The following HECW2 variants were observed in gnomAD, a reference collection of about 807,000 sequenced individuals.
HECW2 encodes the protein E3 ubiquitin-protein ligase HECW2.
In HECW2, 61 loss-of-function variants were observed where a neutral mutation model predicts 175.2. The observed-to-expected ratio is 0.35, with a 90% CI of 0.28 to 0.43. The LOEUF (loss-of-function observed/expected upper bound fraction) is 0.43, where lower values mean the gene tolerates loss of function less well. Ranked by LOEUF, HECW2 falls within the 20% of genes least tolerant of loss-of-function variation. The pLI is 1.00. For synonymous variants in HECW2, 671 were observed against 731.0 expected (o/e 0.92, Z 1.32); for missense variants, 1,524 against 2,000.5 (o/e 0.76, Z 4.54).
intron 21 of HECW2, among the ~76,000 whole-genome samples, chr2:196,233,360 C>T (rs1454185445): frequency 6.6e-6 from 1 of 152,090 alleles, no homozygotes; most frequent in African/African-American, 2.4e-5. Context: ...GGTTGGCACT[C>T]CACCCAAGTT....
intron 1 of HECW2, among the ~76,000 whole-genome samples, chr2:196,480,567 C>G (rs569058859): frequency 6.6e-6 from 1 of 152,148 alleles, no homozygotes; most frequent in Non-Finnish European, 1.5e-5. Flanking sequence ...AGTGCTGGGA[C>G]AGAACTCAGT....
intron 2 of HECW2, among the ~76,000 whole-genome samples, chr2:196,393,929 T>C (rs1206405815): frequency 6.6e-6 from 1 of 152,116 alleles, no homozygotes; most frequent in East Asian, 1.9e-4. Flanking sequence ...ATAGACTGGA[T>C]TAAGAAAATG....
intron 1 of HECW2, among the ~76,000 whole-genome samples, chr2:196,580,645 C>T (rs1393874384): frequency 6.8e-6 from 1 of 147,532 alleles, no homozygotes; most frequent in Non-Finnish European, 1.5e-5. Context: ...TTCACACCCG[C>T]TACAATGGCA....
At chr2:196,389,686 A>C (rs1694450921) in intron 2 of HECW2, among the ~76,000 whole-genome samples, 1 of 152,234 alleles carries the variant, frequency 6.6e-6, no homozygotes, top group African/African-American at 2.4e-5. Context: ...AAGAAAGGTA[A>C]CTTTGAAAGG....
intron 1 of HECW2, among the ~76,000 whole-genome samples, chr2:196,591,496 C>G (rs537311354): frequency 6.6e-6 from 1 of 152,216 alleles, no homozygotes; most frequent in South Asian, 2.1e-4. Context: ...CCAAAATGTG[C>G]CAATGAAATA....
chr2:196,425,670 A>G (rs1046654724), intron 2 of HECW2, among the ~76,000 whole-genome samples: 1 of 152,170 alleles, frequency 6.6e-6, no homozygotes, highest in Admixed American at 6.5e-5. Context: ...AGTTGCTCCA[A>G]TCTTATGATA....
At chr2:196,328,495 A>G (rs765259971) in intron 5 of HECW2, among the ~76,000 whole-genome samples, 6 of 152,242 alleles carry the variant, frequency 3.9e-5, no homozygotes, top group African/African-American at 7.2e-5. Flanking sequence ...TCAGAAGGCC[A>G]TGGGCCAGCA....
rs1003973843 is a variant in HECW2 at position 196,409,981 on chromosome 2, G to T, written c.292+23151C>A. ...ATTCCCTGGTTTGGTAGAGTTTGGG[G>T]GTTCATTGACCTGAGATTGGTATAT... On this transcript the variant is annotated intron_variant, in intron 2 of 28. Transcript: ENST00000644978. Among the ~76,000 whole-genome samples the T allele has an allele frequency of 2.6e-5, 4 of 152,104 alleles. No individual in the cohort carries two copies. The East Asian group carries it at 7.7e-4, about 29-fold the overall frequency.
At chr2:196,430,185 T>G (rs914350975) in intron 2 of HECW2, among the ~76,000 whole-genome samples, 1 of 152,182 alleles carries the variant, frequency 6.6e-6, no homozygotes, top group African/African-American at 2.4e-5. Flanking sequence ...ATTCGGAGGA[T>G]GAATTCCATC....
At chr2:196,332,906 T>C (rs1157578568) in intron 4 of HECW2, among the ~76,000 whole-genome samples, 1 of 152,208 alleles carries the variant, frequency 6.6e-6, no homozygotes. Flanking sequence ...ATATAGTAAA[T>C]GTAGGCTTCT....
intron 2 of HECW2, among the ~76,000 whole-genome samples, chr2:196,346,965 G>A (rs1321344869): frequency 7.0e-6 from 1 of 142,772 alleles, no homozygotes; most frequent in Non-Finnish European, 1.5e-5. Context: ...CCGAGATCAC[G>A]CCACCGTACT....
chr2:196,491,732 A>T (rs142997137), intron 1 of HECW2, among the ~76,000 whole-genome samples: 1,843 of 152,068 alleles, frequency 0.012, 40 homozygotes, highest in African/African-American at 0.042. Context: ...AGTTTTCAAG[A>T]TGTTGTCAGA....
At chr2:196,366,044 A>G (rs544981786) in intron 2 of HECW2, among the ~76,000 whole-genome samples, 1 of 152,350 alleles carries the variant, frequency 6.6e-6, no homozygotes, top group East Asian at 1.9e-4. Flanking sequence ...AATGTCAAGA[A>G]TTACGCTCAG....
chr2:196,456,710 T>C (rs1428466195), intron 1 of HECW2, among the ~76,000 whole-genome samples: 1 of 152,200 alleles, frequency 6.6e-6, no homozygotes, highest in African/African-American at 2.4e-5. Flanking sequence ...TGGGACACTT[T>C]CCTTGAATTA....
chr2:196,471,942 C>A (rs886245755), intron 1 of HECW2, among the ~76,000 whole-genome samples: 4 of 150,290 alleles, frequency 2.7e-5, no homozygotes, highest in East Asian at 2.0e-4. Context: ...ATAAAACAAA[C>A]CTGCATGTGT....
intron 1 of HECW2, among the ~76,000 whole-genome samples, chr2:196,490,101 A>G (rs1424618419): frequency 6.6e-6 from 1 of 151,242 alleles, no homozygotes; most frequent in African/African-American, 2.4e-5. Context: ...TGGCTAATGG[A>G]CCCCCACCCC....
intron 13 of HECW2, among the ~76,000 whole-genome samples, chr2:196,294,154 AT>A (rs1690715684): frequency 1.3e-5 from 2 of 151,858 alleles, no homozygotes; most frequent in Admixed American, 6.5e-5. Flanking sequence ...TACAGTCTTC[AT>A]TTCTATGATA....
At chr2:196,546,981 GA>G (rs1689446757) in intron 1 of HECW2, among the ~76,000 whole-genome samples, 1 of 152,138 alleles carries the variant, frequency 6.6e-6, no homozygotes, top group South Asian at 2.1e-4. Flanking sequence ...TAAGCATCGG[GA>G]AAGTATGACA....
chr2:196,428,209 C>A (rs796836785), intron 2 of HECW2, among the ~76,000 whole-genome samples: 1 of 152,288 alleles, frequency 6.6e-6, no homozygotes, highest in African/African-American at 2.4e-5. Context: ...GAGACCATCT[C>A]TCTGTTCCAT....
Sources: gnomAD v4.1 joint callset for allele counts (sites outside exome capture counted in the v4.1 genomes callset) on GRCh38, gnomAD v4.1.1 for gene constraint, MANE v1.5 for transcripts, NCBI Gene and HGNC (gene_info 2026-07-23, HGNC 2026-07-21) for gene names.